Variants in RAD9A observed in about 807,000 individuals in gnomAD.
RAD9A encodes cell cycle checkpoint control protein RAD9A.
RAD9A carries 25 observed loss-of-function variants against 41.2 expected under a neutral mutation model. That is an observed-to-expected ratio of 0.61 (90% CI 0.44 to 0.85). The LOEUF is 0.85. Ranked by LOEUF, RAD9A falls within the 40% of genes least tolerant of loss-of-function variation. The pLI is 0.00. For missense variants in RAD9A, 514 were observed against 518.3 expected (o/e 0.99, Z 0.08); for synonymous variants, 252 against 210.6 (o/e 1.20, Z -1.70).
At position 67,393,778 on chromosome 11, in the gene RAD9A, G is replaced by A. The variant is rs549233956; in HGVS notation, c.437G>A (p.Arg146His). The change falls in exon 5 of 11, where the codon CGC becomes CAC. Residue 146 changes from arginine to histidine, a missense_variant. By Grantham distance (29) the Arg-to-His change is conservative. Coordinates refer to ENST00000307980, the MANE Select transcript of RAD9A (RefSeq NM_004584.3). ...FDPASCPHML[R>H]APARVLGEAV... ...CCAGCCTCGTGCCCCCACATGCTCC[G>A]CGCCCCAGCACGGTGAGCACACCCC... is the stretch of plus-strand genomic sequence containing the variant. 4 of 1,608,114 alleles carry A rather than the reference G, an allele frequency of 2.5e-6. No individual in the cohort carries two copies. The highest frequency in any genetic ancestry group is 1.7e-5 in the Admixed American group (1 of 59,722).
At position 67,397,624 on chromosome 11, in the gene RAD9A, C is replaced by T; in HGVS notation, c.*65C>T. On this transcript the variant is annotated 3_prime_UTR_variant, in exon 11 of 11. Coordinates refer to ENST00000307980, the MANE Select transcript of RAD9A (RefSeq NM_004584.3). ...GACGAAGCCCCAGCCAGTGGCAGAA[C>T]TGGGTCTCTCAGCCCTGGGGATCAG... The T allele has an allele frequency of 7.1e-7, 1 of 1,404,186 alleles. No individual in the cohort carries two copies. Among genetic ancestry groups the T allele is most frequent in the Non-Finnish European group, 9.8e-7 (1 of 1,018,004 alleles). 87.0% of individuals were successfully genotyped at this position (1,404,186 alleles called of 1,614,324 possible).
chr11:67,392,143 C>T lies in RAD9A; in HGVS notation c.35-18C>T, dbSNP rs1292642727. ...GCGGAGCCGCCAGCCTAACCCCCTT[C>T]CGCTCTTCTCCCCGCAGTGCTCGGC... On this transcript the variant is annotated intron_variant, in intron 1 of 10. Coordinates refer to ENST00000307980, the MANE Select transcript of RAD9A (RefSeq NM_004584.3). 2.5e-6 allele frequency: 4 copies of T among 1,611,448 alleles called. No individual in the cohort carries two copies. The highest frequency in any genetic ancestry group is 2.5e-6 in the Non-Finnish European group (3 of 1,179,564).
chr11:67,394,958 G>A (rs549858532), intron 5 of RAD9A, among the ~76,000 whole-genome samples: 121 of 151,718 alleles, frequency 8.0e-4, no homozygotes, highest in Non-Finnish European at 1.5e-3. Flanking sequence ...GTTTTGTTTT[G>A]AGATAGAGTC....
Position 67,395,768 on chromosome 11 carries a change from C to G in RAD9A, c.502C>G (p.Leu168Val), listed in dbSNP as rs755802467. ...CTCTCCTGCACTGGCTGAAGTGACG[C>G]TGGGCATTGGCCGTGGCCGCAGGGT... ...PFSPALAEVT[L>V]GIGRGRRVIL... is the part of the protein sequence containing the mutation. Residue 168 changes from leucine to valine, a missense_variant, in exon 6 of 11, where the codon CTG becomes GTG. Leu to Val is a conservative substitution (Grantham distance 32, BLOSUM62 1). Around this residue, in one of 3 missense-constraint regions of RAD9A, gnomAD observed 268 missense variants for 279.3 expected, o/e 0.96. Transcript: ENST00000307980. 1 of 1,613,764 alleles carries G rather than the reference C, an allele frequency of 6.2e-7. No individual in the cohort carries two copies. The highest frequency in any genetic ancestry group is 1.3e-5 in the African/African-American group (1 of 75,058).
rs1490339335 is a variant in RAD9A, at chr11:67,392,156, C to T, written c.35-5C>T. 8 of 1,611,760 alleles carry T rather than the reference C, an allele frequency of 5.0e-6. No homozygotes were observed. Among genetic ancestry groups the T allele is most frequent in the East Asian group, 4.5e-5 (2 of 44,802 alleles). ...CCTAACCCCCTTCCGCTCTTCTCCC[C>T]GCAGTGCTCGGCAAGGCCGTCCACT... On this transcript the variant is annotated splice_region_variant and splice_polypyrimidine_tract_variant and intron_variant, in intron 1 of 10. Coordinates refer to ENST00000307980, the MANE Select transcript of RAD9A (RefSeq NM_004584.3).
Position 67,397,176 on chromosome 11 carries a change from C to T in RAD9A, c.873-3C>T, listed in dbSNP as rs1862729924. ...CTCCCTGATACTCCGATTCTGCCTA[C>T]AGCACACCCCACCCGGACGACTTTG... is the stretch of plus-strand genomic sequence containing the variant. On this transcript the variant is annotated splice_region_variant and splice_polypyrimidine_tract_variant and intron_variant, in intron 9 of 10. Transcript: ENST00000307980. 2 of 1,609,848 alleles carry T rather than the reference C, an allele frequency of 1.2e-6. No homozygotes were observed. Among genetic ancestry groups the T allele is most frequent in the East Asian group, 2.2e-5 (1 of 44,882 alleles).
In RAD9A at chr11:67,396,347, G is replaced by A; in HGVS notation, c.819G>A (p.Gln273=). The change falls in exon 9 of 11, where the codon CAG becomes CAA. Residue 273 remains glutamine (Q), a synonymous_variant. Transcript: ENST00000307980. The part of the protein sequence containing the change: ...ATLSDTDSHS[Q]DLGSPERHQP... ...TCTCAGACACCGACTCGCACTCCCA[G>A]GACCTGGGCTCCCCAGAGCGTCACC... 6.2e-7 allele frequency: 1 copy of A among 1,614,022 alleles called. No individual in the cohort carries two copies.
intron 5 of RAD9A, among the ~76,000 whole-genome samples, 158 bp downstream of exon 5, chr11:67,393,948 C>T (rs1862610010): frequency 6.6e-6 from 1 of 152,218 alleles, no homozygotes; most frequent in South Asian, 2.1e-4. Flanking sequence ...CAGGTCCTTA[C>T]CTGGCTCTTT....
chr11:67,397,144 C>A (rs200593199), intron 9 of RAD9A, 35 bp from the exon 10 acceptor site: 1 of 1,541,818 alleles, frequency 6.5e-7, no homozygotes, highest in Non-Finnish European at 9.0e-7. Flanking sequence ...TCTGCTCCCC[C>A]AGTCCCCTCC....
chr11:67,398,406 A>AAAT lies in RAD9A; in HGVS notation c.*849_*851dup. On this transcript the variant is annotated 3_prime_UTR_variant, in exon 11 of 11. Transcript: ENST00000307980. Reference sequence around the variant, plus strand: ...TTGATTCATTAAAAAAAGAAAAGAAAAATACACCAAGGCTCCATGTTCCCC... The same window carrying AAAT: ...TTGATTCATTAAAAAAAGAAAAGAAAAATAATACACCAAGGCTCCATGTTCCCC... 1.1e-6 allele frequency: 1 copy of AAAT among 931,946 alleles called. No homozygotes were observed. The highest frequency in any genetic ancestry group is 1.7e-5 in the South Asian group (1 of 58,578). The allele number at this position is 931,946 out of a possible 1,614,324, so 57.7% of individuals were successfully genotyped here. A position where few individuals can be genotyped will look rare whatever the true frequency, so the allele number is the denominator to read the frequency against.
At position 67,393,597 on chromosome 11, in the gene RAD9A, G is replaced by A. The variant is rs1019080714; in HGVS notation, c.336G>A (p.Leu112=). The A allele has an allele frequency of 6.2e-7, 1 of 1,614,098 alleles. No homozygotes were observed. The highest frequency in any genetic ancestry group is 8.5e-7 in the Non-Finnish European group (1 of 1,180,042). ...NGRSSRLVVQ[L]HCKFGVRKTH... is the part of the protein sequence containing the mutation. ...GGAGCAGCCGCCTGGTGGTCCAGCT[G>A]CATTGCAAGTTCGGTGAGTGGGCAG... Residue 112 remains leucine (L), a synonymous_variant, in exon 4 of 11, where the codon CTG becomes CTA. Transcript: ENST00000307980.
Position 67,397,192 on chromosome 11 carries a change from G to C in RAD9A, c.886G>C (p.Asp296His), listed in dbSNP as rs1862730671. The change falls in exon 10 of 11, where the codon GAC (aspartate) becomes CAC (histidine). Residue 296 changes from aspartate to histidine, a missense_variant. Physicochemically the swap from Asp to His is moderately conservative, Grantham distance 81. This residue lies in a region of RAD9A where 216 missense variants were observed against 184.2 expected (regional missense o/e 1.17). Coordinates refer to ENST00000307980, the MANE Select transcript of RAD9A (RefSeq NM_004584.3). ...QLQAHSTPHPDDFANDDIDSY... is the reference protein window; with the variant it reads ...QLQAHSTPHPHDFANDDIDSY... ...TTCTGCCTACAGCACACCCCACCCG[G>C]ACGACTTTGCCAATGACGACATTGA... 6.2e-7 allele frequency: 1 copy of C among 1,613,366 alleles called. No individual in the cohort carries two copies. The highest frequency in any genetic ancestry group is 8.5e-7 in the Non-Finnish European group (1 of 1,179,478).
In RAD9A at chr11:67,393,341, T is replaced by G. The variant is rs1001787141; in HGVS notation, c.235-155T>G. ...GGCATTCCAAGCATAAGGAAGAGCA[T>G]GAATGAGGCCTAGAAGGATGCCAGT... On this transcript the variant is annotated intron_variant, in intron 3 of 10. Transcript: ENST00000307980. 189 of 1,382,956 alleles carry G rather than the reference T, an allele frequency of 1.4e-4. 1 individual carries two copies. The highest frequency in any genetic ancestry group is 1.1e-3 in the South Asian group (62 of 57,912). 85.7% of individuals were successfully genotyped at this position (1,382,956 alleles called of 1,614,324 possible). A position where few individuals can be genotyped will look rare whatever the true frequency, so the allele number is the denominator to read the frequency against.
intron 5 of RAD9A, among the ~76,000 whole-genome samples, chr11:67,394,253 C>T (rs972296301): frequency 1.3e-5 from 2 of 152,224 alleles, no homozygotes; most frequent in African/African-American, 2.4e-5. Context: ...TTCCTGACTG[C>T]CCAGGATCGA....
In RAD9A at chr11:67,396,418, C is replaced by T; in HGVS notation, c.872+18C>T. The T allele has an allele frequency of 3.1e-6, 5 of 1,612,468 alleles. No individual in the cohort carries two copies. The highest frequency in any genetic ancestry group is 4.2e-6 in the Non-Finnish European group (5 of 1,179,388). On this transcript the variant is annotated intron_variant, in intron 9 of 10. Transcript: ENST00000307980. ...GCTCACAGGTGAGGGCACCTCCCCC[C>T]AACTCCTCCTCTCTCCATGTCTGTG...
At chr11:67,392,316 A>T (rs1862551019) in intron 2 of RAD9A, 85 bp downstream of exon 2, 1 of 1,210,798 alleles carries the variant, frequency 8.3e-7, no homozygotes, top group Admixed American at 2.7e-5. Flanking sequence ...ACTAGGCGGG[A>T]TGACCGCTGG....
chr11:67,393,919 C>A, intron 5 of RAD9A, 129 bp downstream of exon 5: 1 of 798,172 alleles, frequency 1.3e-6, no homozygotes, highest in Non-Finnish European at 1.9e-6. Context: ...CAAAGACATC[C>A]CATGGCCCGC....
rs1180201469 is a variant in RAD9A, at chr11:67,398,126, G to A, written c.*567G>A. On this transcript the variant is annotated 3_prime_UTR_variant, in exon 11 of 11. Transcript: ENST00000307980. The stretch of plus-strand genomic sequence containing the variant: ...GGGCCCGGTGCCGAGACTCCCAAGC[G>A]GCTCTGTGCAGAAGAGCTGCCAGGC... 5 of 217,490 alleles carry A rather than the reference G, an allele frequency of 2.3e-5. No individual in the cohort carries two copies. The highest frequency in any genetic ancestry group is 1.0e-4 in the Admixed American group (2 of 19,180). 13.5% of individuals were successfully genotyped at this position (217,490 alleles called of 1,614,324 possible). A position where few individuals can be genotyped will look rare whatever the true frequency, so the allele number is the denominator to read the frequency against.
In RAD9A at chr11:67,396,381, C is replaced by G. The variant is rs1369272979; in HGVS notation, c.853C>G (p.Pro285Ala). ...CTCCCCAGAGCGTCACCAGCCAGTG[C>G]CTCAGCTCCAGGCTCACAGGTGAGG... ...LGSPERHQPV[P>A]QLQAHSTPHP... Residue 285 changes from proline to alanine, a missense_variant, in exon 9 of 11, where the codon CCT becomes GCT. By Grantham distance (27) the Pro-to-Ala change is conservative. Around this residue, in one of 3 missense-constraint regions of RAD9A, gnomAD observed 216 missense variants for 184.2 expected, o/e 1.17. Transcript: ENST00000307980. 6.2e-7 allele frequency: 1 copy of G among 1,613,948 alleles called. No homozygotes were observed.
Sources: gnomAD v4.1 joint callset for allele counts (sites outside exome capture counted in the v4.1 genomes callset) on GRCh38, gnomAD v4.1.1 for gene constraint, gnomAD v4.1.1 regional missense constraint, MANE v1.5 for transcripts, NCBI Gene and HGNC (gene_info 2026-07-23, HGNC 2026-07-21) for gene names.